ZUP1: variants seen among roughly 807,000 people sequenced by gnomAD.
ZUP1 encodes zinc finger-containing ubiquitin peptidase 1.
In ZUP1, 55 loss-of-function variants were observed where a neutral mutation model predicts 68.1. The observed-to-expected ratio is 0.81, with a 90% CI of 0.65 to 1.01. The LOEUF (loss-of-function observed/expected upper bound fraction) is 1.01, where lower values mean the gene tolerates loss of function less well. ZUP1 is among the 50% of genes least tolerant of loss of function. The pLI, the probability that ZUP1 is intolerant of heterozygous loss-of-function variation, is 0.00. For synonymous variants in ZUP1, 223 were observed against 221.5 expected, an observed-to-expected ratio of 1.01 and a Z score of -0.06; for missense variants, 684 against 674.9, an observed-to-expected ratio of 1.01 and a Z score of -0.15.
At chr6:116,636,887 G>A (rs78889458) in intron 9 of ZUP1, among the ~76,000 whole-genome samples, 5,116 of 152,150 alleles carry the variant, frequency 0.034, 254 homozygotes, top group African/African-American at 0.11. Flanking sequence ...AAATAAAAGT[G>A]AAATCACTAT....
At chr6:116,643,239 T>C (rs1270948663) in intron 9 of ZUP1, among the ~76,000 whole-genome samples, 1 of 152,108 alleles carries the variant, frequency 6.6e-6, no homozygotes, top group East Asian at 1.9e-4. Context: ...GAAGAATCAA[T>C]ATCGTGAAAA....
rs1256117109 is a variant in ZUP1, at chr6:116,666,767, T to C, written c.426A>G (p.Ile142Met). 3 of 1,613,968 alleles carry C rather than the reference T, an allele frequency of 1.9e-6. No individual in the cohort carries two copies. Among genetic ancestry groups the C allele is most frequent in the Non-Finnish European group, 2.5e-6 (3 of 1,179,932 alleles). ...ATGTTGTTTCATAAACAGATCCTTT[T>C]ATTTCGGTCAGGCTGGACTGTTTTT... ...SREKQSSLTE[I>M]KGSVYETTYS... The change falls in exon 2 of 10, where the codon ATA becomes ATG. Residue 142 changes from isoleucine to methionine, a missense_variant. Coordinates refer to ENST00000368576, the MANE Select transcript of ZUP1 (RefSeq NM_145062.3).
chr6:116,656,433 G>T (rs1427028545), intron 5 of ZUP1, among the ~76,000 whole-genome samples: 1 of 152,082 alleles, frequency 6.6e-6, no homozygotes, highest in Non-Finnish European at 1.5e-5. Flanking sequence ...AATTATATAT[G>T]TGGCTCACAT....
intron 5 of ZUP1, 41 bp downstream of exon 5, chr6:116,656,643 A>G: frequency 6.6e-7 from 1 of 1,514,578 alleles, no homozygotes; most frequent in Non-Finnish European, 9.0e-7. Context: ...TCAGTGGTAT[A>G]AGCAATATTA....
intron 2 of ZUP1, among the ~76,000 whole-genome samples, chr6:116,665,058 TA>T (rs1776959205): frequency 6.6e-6 from 1 of 152,096 alleles, no homozygotes; most frequent in African/African-American, 2.4e-5. Context: ...AATTCAAGGA[TA>T]AGCAACATCT....
At chr6:116,658,130 A>C (rs1562409029) in intron 4 of ZUP1, among the ~76,000 whole-genome samples, 1 of 152,078 alleles carries the variant, frequency 6.6e-6, no homozygotes, top group Non-Finnish European at 1.5e-5. Context: ...AAATCTATGA[A>C]TCTATGAGCA....
intron 7 of ZUP1, among the ~76,000 whole-genome samples, chr6:116,651,118 G>T (rs1776476997): frequency 6.6e-6 from 1 of 151,838 alleles, no homozygotes; most frequent in African/African-American, 2.4e-5. Context: ...TAGTAAAAGA[G>T]AAAAGGAAAC....
intron 9 of ZUP1, among the ~76,000 whole-genome samples, chr6:116,645,347 G>A (rs1218449094): frequency 3.3e-5 from 5 of 152,038 alleles, no homozygotes; most frequent in African/African-American, 1.2e-4. Context: ...TTGGGAGGCT[G>A]AGGTGGGCAG....
rs561833406 is a variant in ZUP1, at chr6:116,638,768, C to T, written c.1690-2889G>A. Among the ~76,000 whole-genome samples the T allele has an allele frequency of 9.9e-5, 15 of 152,276 alleles. No homozygotes were observed. In the South Asian group the frequency reaches 1.2e-3, roughly 13 times the overall value. On this transcript the variant is annotated intron_variant, in intron 9 of 9. Transcript: ENST00000368576. ...CTCCCAGCATGAGTGACGCAGAAGA[C>T]GGGTGATTTCTGCATTTCCATCTGA... is the stretch of plus-strand genomic sequence containing the variant.
intron 2 of ZUP1, among the ~76,000 whole-genome samples, chr6:116,662,858 A>C (rs898356581): frequency 2.0e-5 from 3 of 152,222 alleles, no homozygotes; most frequent in African/African-American, 7.2e-5. Context: ...TCATGTCACC[A>C]TAATATGGCA....
At chr6:116,636,182 CAGAG>C (rs1262636380) in intron 9 of ZUP1, among the ~76,000 whole-genome samples, 1 of 151,966 alleles carries the variant, frequency 6.6e-6, no homozygotes, top group Non-Finnish European at 1.5e-5. Flanking sequence ...TGAATAAAAA[CAGAG>C]AGGAGGCTAG....
intron 2 of ZUP1, among the ~76,000 whole-genome samples, chr6:116,664,638 C>T (rs190418717): frequency 6.6e-6 from 1 of 152,056 alleles, no homozygotes; most frequent in Admixed American, 6.6e-5. Flanking sequence ...GAAAAACTGT[C>T]CTATCTGATG....
chr6:116,659,711 T>C (rs187335979), intron 3 of ZUP1, among the ~76,000 whole-genome samples: 1 of 152,198 alleles, frequency 6.6e-6, no homozygotes, highest in East Asian at 1.9e-4. Context: ...CCAAAAATGG[T>C]AAAACTTTGC....
At chr6:116,668,452 A>T (rs933313481) in intron 1 of ZUP1, 114 bp downstream of exon 1, 16 of 152,362 alleles carry the variant, frequency 1.1e-4, no homozygotes, top group Admixed American at 9.2e-4. Context: ...CGCAAGGCCG[A>T]GTCTCCCAAA....
intron 9 of ZUP1, among the ~76,000 whole-genome samples, chr6:116,641,710 A>G (rs1776106085): frequency 1.3e-5 from 2 of 152,226 alleles, no homozygotes; most frequent in Non-Finnish European, 2.9e-5. Context: ...GGAAATTTAT[A>G]GCACTAAATG....
rs1401188245 is a variant in ZUP1 at position 116,651,603 on chromosome 6, C to CT, written c.1284dup (p.Val429SerfsTer16). 6.2e-7 allele frequency: 1 copy of CT among 1,613,722 alleles called. No individual in the cohort carries two copies. On this transcript the variant is annotated frameshift_variant, in exon 7 of 10. Coordinates refer to ENST00000368576, the MANE Select transcript of ZUP1 (RefSeq NM_145062.3). LOFTEE classifies it high-confidence loss of function. ...CTTAGGGAGGTCAGGAGTATATATA[C>CT]TTCACATGCTCCAATCCAGGCCTTT...
chr6:116,642,883 G>A (rs925694273), intron 9 of ZUP1, among the ~76,000 whole-genome samples: 129 of 152,284 alleles, frequency 8.5e-4, no homozygotes, highest in African/African-American at 2.9e-3. Context: ...ATTAGGAAAA[G>A]AGGAAGTCAA....
intron 5 of ZUP1, among the ~76,000 whole-genome samples, chr6:116,653,513 TAG>T (rs1776575615): frequency 6.6e-6 from 1 of 151,928 alleles, no homozygotes; most frequent in Non-Finnish European, 1.5e-5. Flanking sequence ...AATGAACCAA[TAG>T]TTGTAGCTGT....
At chr6:116,638,621 T>C (rs963308873) in intron 9 of ZUP1, among the ~76,000 whole-genome samples, 1 of 152,214 alleles carries the variant, frequency 6.6e-6, no homozygotes, top group Admixed American at 6.5e-5. Flanking sequence ...AGTTAGGTTT[T>C]CTTACTATAT....
Sources: gnomAD v4.1 joint callset for allele counts (sites outside exome capture counted in the v4.1 genomes callset) on GRCh38, gnomAD v4.1.1 for gene constraint, MANE v1.5 for transcripts, NCBI Gene and HGNC (gene_info 2026-07-23, HGNC 2026-07-21) for gene names.